KIAA0930: variants seen among roughly 807,000 people sequenced by gnomAD.
KIAA0930 encodes uncharacterized protein KIAA0930.
KIAA0930 carries 24 observed loss-of-function variants against 43.9 expected under a neutral mutation model. The ratio of observed to expected loss-of-function variants is 0.55; its 90% CI spans 0.40 to 0.77. The LOEUF (loss-of-function observed/expected upper bound fraction) is 0.77. KIAA0930 is among the 30% of genes least tolerant of loss of function. The probability of loss-of-function intolerance (pLI) is 0.00; values close to 1 mark genes in which losing one functional copy is unlikely to be tolerated. For synonymous variants in KIAA0930, 259 were observed against 216.4 expected (o/e 1.20, Z -1.73); for missense variants, 461 against 574.2 (o/e 0.80, Z 2.02).
Position 45,196,864 on chromosome 22 carries a change from C to T in KIAA0930, c.*312G>A, listed in dbSNP as rs1309886610. ...GGCCCCGCTCTGGGCATCAGCTGCT[C>T]CTTCCGCTCTCTCTCATGGCCGCTC... On this transcript the variant is annotated 3_prime_UTR_variant, in exon 10 of 10. Transcript: ENST00000336156. The surrounding 1 kb of genome is among the most constrained non-coding windows in gnomAD (Gnocchi z 4.1). 2 of 369,830 alleles carry T rather than the reference C, an allele frequency of 5.4e-6. No homozygotes were observed. The highest frequency in any genetic ancestry group is 9.7e-6 in the Non-Finnish European group (2 of 205,302). 22.9% of individuals were successfully genotyped at this position (369,830 alleles called of 1,614,324 possible). A position where few individuals can be genotyped will look rare whatever the true frequency, so the allele number is the denominator to read the frequency against.
In KIAA0930 at chr22:45,203,980, G is replaced by A. The variant is rs200840168; in HGVS notation, c.522C>T (p.Phe174=). ...CTCCTTCCCCTACGGTCATGTCGCT[G>A]AACACCTGGGCCAGGACACAAAGAG... ...FFMIDSFEEV[F]SDMTVGEGEM... The change falls in exon 6 of 10, where the codon TTC becomes TTT. Residue 174 remains phenylalanine, a synonymous_variant. Transcript: ENST00000336156. 79 of 1,613,858 alleles carry A rather than the reference G, an allele frequency of 4.9e-5. No individual in the cohort carries two copies. The highest frequency in any genetic ancestry group is 6.3e-5 in the Non-Finnish European group (74 of 1,179,906).
chr22:45,215,468 A>AT (rs2083725932), intron 1 of KIAA0930, among the ~76,000 whole-genome samples: 1 of 152,208 alleles, frequency 6.6e-6, no homozygotes, highest in Non-Finnish European at 1.5e-5. Context: ...GCACAAAAAC[A>AT]TTTCGTGTGT....
Position 45,196,645 on chromosome 22 carries a change from C to G in KIAA0930, c.*531G>C, listed in dbSNP as rs1292945478. Reference sequence around the variant, plus strand: ...GCCATCAAACTTCTCGTGTTCCCATCTCCTATTAGAACAAAGTGGTAAACT... The same window carrying G: ...GCCATCAAACTTCTCGTGTTCCCATGTCCTATTAGAACAAAGTGGTAAACT... On this transcript the variant is annotated 3_prime_UTR_variant, in exon 10 of 10. Coordinates refer to ENST00000336156, the MANE Select transcript of KIAA0930 (RefSeq NM_001009880.2). This position sits in a 1 kb window ranked among gnomAD's most constrained non-coding sequence, Gnocchi z 4.1. 1 of 153,140 alleles carries G rather than the reference C, an allele frequency of 6.5e-6. No homozygotes were observed. The highest frequency in any genetic ancestry group is 1.5e-5 in the Non-Finnish European group (1 of 68,424). 9.5% of individuals were successfully genotyped at this position (153,140 alleles called of 1,614,324 possible).
intron 1 of KIAA0930, among the ~76,000 whole-genome samples, chr22:45,228,747 A>C (rs1601824769): frequency 4.5e-5 from 1 of 22,460 alleles, no homozygotes; most frequent in Non-Finnish European, 7.1e-5. Flanking sequence ...CCCCCCTACC[A>C]CCACTCACCC....
Position 45,198,049 on chromosome 22 carries a change from G to C in KIAA0930, c.1016-101C>G, listed in dbSNP as rs543804331. On this transcript the variant is annotated intron_variant, in intron 8 of 9. Transcript: ENST00000336156. ...CCAGGCTGAGGCCAAACTCTGCTGAGGCCAGGACGCTCCTTACCAACACCC... is the reference window on the plus strand; with the variant it reads ...CCAGGCTGAGGCCAAACTCTGCTGACGCCAGGACGCTCCTTACCAACACCC... 1.1e-4 allele frequency: 132 copies of C among 1,209,506 alleles called. No individual in the cohort carries two copies. The African/African-American group carries it at 1.7e-3, about 15-fold the overall frequency. 74.9% of individuals were successfully genotyped at this position (1,209,506 alleles called of 1,614,324 possible). A position where few individuals can be genotyped will look rare whatever the true frequency, so the allele number is the denominator to read the frequency against.
chr22:45,222,193 G>C (rs1247189571), intron 1 of KIAA0930, among the ~76,000 whole-genome samples: 1 of 152,068 alleles, frequency 6.6e-6, no homozygotes, highest in Non-Finnish European at 1.5e-5. Context: ...AATGTTAAAA[G>C]TAAAACTATA....
At chr22:45,202,834 G>A in intron 7 of KIAA0930, 156 bp downstream of exon 7, 1 of 598,178 alleles carries the variant, frequency 1.7e-6, no homozygotes, top group South Asian at 2.3e-5. Context: ...AGAAGGGCTG[G>A]GTGGTCCGGG....
rs2083792704 is a variant in KIAA0930, at chr22:45,225,399, A to ACGTT, written c.65-13296_65-13293dup. 3.3e-5 allele frequency among the ~76,000 whole-genome samples: 5 copies of ACGTT among 152,266 alleles called. No individual in the cohort carries two copies. The South Asian group carries it at 1.0e-3, about 32-fold the overall frequency. On this transcript the variant is annotated intron_variant, in intron 1 of 9. Coordinates refer to ENST00000336156, the MANE Select transcript of KIAA0930 (RefSeq NM_001009880.2). ...GACCAAAGGGAAGCGTGGGGTCTCC[A>ACGTT]CGTTGCGTGCCTAAAACCCCTGCCT...
At position 45,192,456 on chromosome 22, in the gene KIAA0930, T is replaced by G. The variant is rs1033705566; in HGVS notation, c.*4720A>C. The G allele has an allele frequency of 6.6e-6, 1 of 152,248 alleles. No individual in the cohort carries two copies. The allele number at this position is 152,248 out of a possible 1,614,324, so 9.4% of individuals were successfully genotyped here. ...AGCTATCCAGTGGAGGCCAGCATCG[T>G]GTTTTTGCTAAAATACATGTTGTAG... On this transcript the variant is annotated 3_prime_UTR_variant, in exon 10 of 10. Transcript: ENST00000336156.
intron 1 of KIAA0930, among the ~76,000 whole-genome samples, chr22:45,221,798 G>C (rs1247717764): frequency 6.6e-6 from 1 of 152,124 alleles, no homozygotes; most frequent in Non-Finnish European, 1.5e-5. Context: ...ACGGTGGCAC[G>C]ATCTTGGCTC....
intron 1 of KIAA0930, among the ~76,000 whole-genome samples, chr22:45,215,996 C>A (rs1417383324): frequency 1.3e-5 from 2 of 150,870 alleles, no homozygotes; most frequent in African/African-American, 4.9e-5. Context: ...CCACTGCTCT[C>A]CAGCCTGGGC....
At chr22:45,216,843 C>A (rs767796224) in intron 1 of KIAA0930, among the ~76,000 whole-genome samples, 3 of 152,108 alleles carry the variant, frequency 2.0e-5, no homozygotes, top group Admixed American at 2.0e-4. Flanking sequence ...GGTAGCACCT[C>A]GGACAGCTCT....
intron 1 of KIAA0930, among the ~76,000 whole-genome samples, chr22:45,219,893 G>T (rs13056283): frequency 0.46 from 70,066 of 151,796 alleles, 16,454 homozygotes; most frequent in South Asian, 0.69. Flanking sequence ...CCCAGCCCAA[G>T]AAGTGATTTT....
Position 45,197,174 on chromosome 22 carries a change from G to C in KIAA0930, c.*2C>G, listed in dbSNP as rs3179803. On this transcript the variant is annotated 3_prime_UTR_variant, in exon 10 of 10. Transcript: ENST00000336156. The stretch of plus-strand genomic sequence containing the variant: ...GGGGCTCTGCGCAGGCTCCGCACGC[G>C]GCTAGGTCATCAGGATGGGCTTCTG... 5.2e-6 allele frequency: 8 copies of C among 1,548,872 alleles called. No homozygotes were observed. The highest frequency in any genetic ancestry group is 1.2e-5 in the South Asian group (1 of 83,686).
chr22:45,204,988 T>A (rs1322300970), intron 5 of KIAA0930, among the ~76,000 whole-genome samples: 3 of 152,110 alleles, frequency 2.0e-5, no homozygotes, highest in Admixed American at 6.5e-5. Flanking sequence ...GTAGGACAGA[T>A]GATCATGACA....
chr22:45,203,911 C>T lies in KIAA0930; in HGVS notation c.591G>A (p.Thr197=), dbSNP rs758379329. 33 of 1,613,782 alleles carry T rather than the reference C, an allele frequency of 2.0e-5. No homozygotes were observed. The East Asian group carries it at 2.9e-4, about 14-fold the overall frequency. Residue 197 remains threonine (T), a synonymous_variant, in exon 6 of 10, where the codon ACG becomes ACA. Transcript: ENST00000336156. The stretch of plus-strand genomic sequence containing the variant: ...AGCCCTGAAAGATGACCCCCTGGAA[C>T]GTGTTGGTTTTGTCACTAGCCACCA... ...VELVASDKTN[T]FQGVIFQGSI...
At chr22:45,212,715 AT>A (rs1437636704) in intron 1 of KIAA0930, among the ~76,000 whole-genome samples, 1 of 152,250 alleles carries the variant, frequency 6.6e-6, no homozygotes, top group Non-Finnish European at 1.5e-5. Context: ...TACAAATGGT[AT>A]TTCTTTATGA....
intron 1 of KIAA0930, among the ~76,000 whole-genome samples, chr22:45,213,125 G>A (rs925961142): frequency 2.6e-5 from 4 of 152,180 alleles, no homozygotes; most frequent in Admixed American, 6.5e-5. Context: ...CCTCTCTCGC[G>A]CTCACAGGCA....
In KIAA0930 at chr22:45,203,002, G is replaced by A. The variant is rs752490353; in HGVS notation, c.840C>T (p.Pro280=). The change falls in exon 7 of 10, where the codon CCC becomes CCT. Residue 280 remains proline, a synonymous_variant. Coordinates refer to ENST00000336156, the MANE Select transcript of KIAA0930 (RefSeq NM_001009880.2). ...GTEEDSSPAS[P]MHERVTSFST... is the part of the protein sequence containing the mutation. ...GTGCAGCCCTTACCCGCTCGTGCAT[G>A]GGCGAAGCTGGGCTGGAGTCCTCTT... The A allele has an allele frequency of 2.5e-6, 4 of 1,609,006 alleles. No homozygotes were observed. Among genetic ancestry groups the A allele is most frequent in the Non-Finnish European group, 3.4e-6 (4 of 1,177,692 alleles).
Sources: gnomAD v4.1 joint callset for allele counts (sites outside exome capture counted in the v4.1 genomes callset) on GRCh38, gnomAD v4.1.1 for gene constraint, Gnocchi (gnomAD v3.1) non-coding constraint, MANE v1.5 for transcripts, NCBI Gene and HGNC (gene_info 2026-07-23, HGNC 2026-07-21) for gene names.